Variants in FAAH2 observed in about 807,000 individuals in gnomAD.
FAAH2 encodes the protein fatty acid amide hydrolase 2, also known as fatty-acid amide hydrolase 2.
Under a neutral mutation model 36.9 loss-of-function variants are expected in FAAH2, and 60 were observed. The ratio of observed to expected loss-of-function variants is 1.63; its 90% CI spans 1.32 to 2.02. FAAH2 has a LOEUF of 2.02. FAAH2 is among the 30% of genes most tolerant of loss of function. The pLI, the probability that FAAH2 is intolerant of heterozygous loss-of-function variation, is 0.00. For missense variants in FAAH2, 689 were observed against 397.5 expected (o/e 1.73, Z -6.23); for synonymous variants, 214 against 143.8 (o/e 1.49, Z -3.49).
At chrX:57,425,279 C>T (rs966006061) in intron 7 of FAAH2, among the ~76,000 whole-genome samples, 19 of 111,758 alleles carry the variant, frequency 1.7e-4, no homozygotes, top group Non-Finnish European at 3.6e-4. Context: ...AAAAACACAA[C>T]AAGATTGCAA....
the FAAH2 span, among the ~76,000 whole-genome samples, chrX:57,187,584 C>A: frequency 1.8e-5 from 2 of 110,802 alleles, no homozygotes; most frequent in Admixed American, 9.6e-5. Context: ...TTGCTCTGAC[C>A]AGAACTTCCA....
At chrX:57,232,463 A>T in the FAAH2 span, among the ~76,000 whole-genome samples, 2 of 112,278 alleles carry the variant, frequency 1.8e-5, no homozygotes, top group African/African-American at 6.5e-5. Flanking sequence ...ATGTCAAGTG[A>T]GTAGGAAAAT....
At chrX:57,479,870 C>T (rs1292586879) in intron 10 of FAAH2, among the ~76,000 whole-genome samples, 1 of 110,224 alleles carries the variant, frequency 9.1e-6, no homozygotes, top group African/African-American at 3.3e-5. Context: ...ACTAGCAAGA[C>T]TAATAAAGAA....
the FAAH2 span, among the ~76,000 whole-genome samples, chrX:57,150,019 A>C: frequency 0.45 from 49,368 of 110,745 alleles, 10,919 homozygotes; most frequent in African/African-American, 0.86. Context: ...TGTTATCTAC[A>C]CAGTAGTCAT....
chrX:57,392,996 G>A, intron 7 of FAAH2: 1 of 921,516 alleles, frequency 1.1e-6, no homozygotes, highest in Non-Finnish European at 1.6e-6. Flanking sequence ...GGAGCTTGAG[G>A]TCATAAAGGA....
At chrX:57,390,197 C>T (rs1160760998) in intron 7 of FAAH2, among the ~76,000 whole-genome samples, 2 of 111,264 alleles carry the variant, frequency 1.8e-5, no homozygotes, top group Non-Finnish European at 3.8e-5. Flanking sequence ...TGCTCTAAAC[C>T]AATTTGTCTA....
At chrX:57,256,268 G>A in the FAAH2 span, among the ~76,000 whole-genome samples, 4 of 111,652 alleles carry the variant, frequency 3.6e-5, no homozygotes, top group Admixed American at 3.8e-4. Flanking sequence ...CAGGAAATAA[G>A]AGAGGACACA....
chrX:57,454,699 G>C (rs1320271582), intron 10 of FAAH2, among the ~76,000 whole-genome samples: 1 of 111,402 alleles, frequency 9.0e-6, no homozygotes, highest in African/African-American at 3.3e-5. Flanking sequence ...GATGAAGAAA[G>C]AATCTCTGAG....
At chrX:57,241,070 C>T in the FAAH2 span, among the ~76,000 whole-genome samples, 4 of 112,196 alleles carry the variant, frequency 3.6e-5, no homozygotes, top group Non-Finnish European at 5.6e-5. Flanking sequence ...CAGGCTGGAG[C>T]CCTGTCCCTG....
chrX:57,452,393 T>C, intron 10 of FAAH2: 1 of 714,956 alleles, frequency 1.4e-6, no homozygotes, highest in Non-Finnish European at 1.7e-6. Flanking sequence ...ACAGCATTCT[T>C]TTTCTCTGAG....
intron 10 of FAAH2, among the ~76,000 whole-genome samples, chrX:57,466,154 C>CTATATATATATA (rs1371319859): frequency 2.6e-3 from 176 of 66,848 alleles, no homozygotes; most frequent in Middle Eastern, 0.022. Context: ...CTCTCTCTCT[C>CTATATATATATA]TCTATATATA....
intron 3 of FAAH2, among the ~76,000 whole-genome samples, chrX:57,325,547 T>G (rs936719572): frequency 7.3e-5 from 8 of 109,977 alleles, no homozygotes. Flanking sequence ...GAGATTGAAC[T>G]TCTTCCTGGT....
At chrX:57,438,172 C>G (rs1253187186) in intron 8 of FAAH2, among the ~76,000 whole-genome samples, 1 of 104,787 alleles carries the variant, frequency 9.5e-6, no homozygotes, top group African/African-American at 3.4e-5. Flanking sequence ...CACATATACA[C>G]AGTAGTTTGT....
the FAAH2 span, among the ~76,000 whole-genome samples, chrX:57,192,882 A>G: frequency 1.8e-5 from 2 of 112,100 alleles, no homozygotes; most frequent in East Asian, 5.6e-4. Context: ...CTTTACTTTA[A>G]TCTCTTAATC....
At chrX:57,442,532 C>T (rs779532755) in intron 8 of FAAH2, among the ~76,000 whole-genome samples, 1 of 111,691 alleles carries the variant, frequency 9.0e-6, no homozygotes, top group Non-Finnish European at 1.9e-5. Flanking sequence ...TTCCTGCATA[C>T]AGCACACTGA....
At chrX:57,439,237 A>G (rs1311558755) in intron 8 of FAAH2, among the ~76,000 whole-genome samples, 1 of 109,131 alleles carries the variant, frequency 9.2e-6, no homozygotes, top group Non-Finnish European at 1.9e-5. Flanking sequence ...AAGTGTTCCT[A>G]TTTCTCCACA....
intron 7 of FAAH2, among the ~76,000 whole-genome samples, chrX:57,406,083 G>A (rs2055561039): frequency 9.0e-6 from 1 of 110,779 alleles, no homozygotes; most frequent in Non-Finnish European, 1.9e-5. Context: ...TCACTTCTTA[G>A]TTTTGAAATT....
the FAAH2 span, among the ~76,000 whole-genome samples, chrX:57,242,298 G>T: frequency 8.9e-6 from 1 of 112,536 alleles, no homozygotes; most frequent in Admixed American, 9.3e-5. Context: ...GCCTCTGCTG[G>T]TGATACCCAG....
intron 7 of FAAH2, among the ~76,000 whole-genome samples, chrX:57,408,280 T>A (rs990475603): frequency 1.4e-4 from 15 of 111,025 alleles, no homozygotes; most frequent in Non-Finnish European, 1.5e-4. Flanking sequence ...AATTTTCCAA[T>A]CTGTGAACAT....
Sources: gnomAD v4.1 joint callset for allele counts (sites outside exome capture counted in the v4.1 genomes callset) on GRCh38, gnomAD v4.1.1 for gene constraint, MANE v1.5 for transcripts, NCBI Gene and HGNC (gene_info 2026-07-23, HGNC 2026-07-21) for gene names.